Variants in LRFN5 observed in about 807,000 individuals in gnomAD.
LRFN5 encodes leucine rich repeat and fibronectin type III domain containing 5.
Under a neutral mutation model 45.6 loss-of-function variants are expected in LRFN5, and 24 were observed. The observed-to-expected ratio is 0.53, with a 90% confidence interval of 0.38 to 0.74. The LOEUF (loss-of-function observed/expected upper bound fraction) is 0.74, where lower values mean the gene tolerates loss of function less well. Ranked by LOEUF, LRFN5 falls within the 30% of genes least tolerant of loss-of-function variation. The pLI is 0.00. For synonymous variants in LRFN5, 340 were observed against 313.8 expected (o/e 1.08, Z -0.88); for missense variants, 776 against 861.5 (o/e 0.90, Z 1.24).
chr14:41,636,870 C>A (rs1879330592), intron 1 of LRFN5, among the ~76,000 whole-genome samples: 1 of 152,126 alleles, frequency 6.6e-6, no homozygotes, highest in Non-Finnish European at 1.5e-5. Context: ...ACTGCACAGG[C>A]CCCACTTGCA....
intron 2 of LRFN5, among the ~76,000 whole-genome samples, chr14:41,860,461 T>C (rs1224938361): frequency 1.3e-5 from 2 of 152,168 alleles, no homozygotes; most frequent in Non-Finnish European, 2.9e-5. Flanking sequence ...TTAATATACG[T>C]CAGTTCATCA....
chr14:41,894,774 G>A (rs1401498128), intron 4 of LRFN5: 2 of 982,718 alleles, frequency 2.0e-6, no homozygotes, highest in African/African-American at 3.5e-5. Context: ...GTGGAAATAA[G>A]AATTTTCATT....
intron 1 of LRFN5, among the ~76,000 whole-genome samples, chr14:41,659,113 T>C (rs1311911396): frequency 6.6e-6 from 1 of 152,104 alleles, no homozygotes; most frequent in African/African-American, 2.4e-5. Flanking sequence ...GCAGGTTTGT[T>C]ACATAGGTAT....
rs914212982 is a variant in LRFN5, at chr14:41,671,617, G to GTTTTTTTTTTTTTTTTTTTTTTTTTTTTT, written c.-197+63075_-197+63076insTTTTTTTTTTTTTTTTTTTTTTTTTTTTT. On this transcript the variant is annotated intron_variant, in intron 1 of 5. Transcript: ENST00000298119. ...TGTGGAGGAGAGATTTTTTTTTTTC[G>GTTTTTTTTTTTTTTTTTTTTTTTTTTTTT]TTTTTTTTTTTTTTTTTTTTACGGA... 1.4e-4 allele frequency among the ~76,000 whole-genome samples: 11 copies of GTTTTTTTTTTTTTTTTTTTTTTTTTTTTT among 78,024 alleles called. 3 individuals are homozygous for GTTTTTTTTTTTTTTTTTTTTTTTTTTTTT. The highest frequency in any genetic ancestry group is 8.7e-4 in the East Asian group (2 of 2,292). The allele number at this position is 78,024 out of a possible 152,430, so 51.2% of individuals were successfully genotyped here. A position where few individuals can be genotyped will look rare whatever the true frequency, so the allele number is the denominator to read the frequency against.
intron 1 of LRFN5, among the ~76,000 whole-genome samples, chr14:41,736,690 A>C (rs1884447957): frequency 6.6e-6 from 1 of 152,194 alleles, no homozygotes; most frequent in Non-Finnish European, 1.5e-5. Context: ...TCCCACAGAA[A>C]TACAAACTGC....
At chr14:41,889,359 T>A (rs556842983) in intron 3 of LRFN5, among the ~76,000 whole-genome samples, 2 of 152,138 alleles carry the variant, frequency 1.3e-5, no homozygotes, top group East Asian at 3.9e-4. Context: ...GAAATTAGAC[T>A]AAAGGTCTCT....
chr14:41,813,476 A>T (rs1296356085), intron 2 of LRFN5, among the ~76,000 whole-genome samples: 1 of 152,136 alleles, frequency 6.6e-6, no homozygotes, highest in African/African-American at 2.4e-5. Flanking sequence ...TAGTTTGCTG[A>T]GAACAATGGT....
At chr14:41,888,733 G>T (rs1343745334) in intron 3 of LRFN5, among the ~76,000 whole-genome samples, 1 of 151,962 alleles carries the variant, frequency 6.6e-6, no homozygotes, top group Non-Finnish European at 1.5e-5. Context: ...AGTATCACTG[G>T]AATTAGGTAT....
At chr14:41,682,408 T>A (rs962870342) in intron 1 of LRFN5, among the ~76,000 whole-genome samples, 1 of 151,954 alleles carries the variant, frequency 6.6e-6, no homozygotes, top group African/African-American at 2.4e-5. Context: ...TTAATTTTTT[T>A]ATGGAAAAAA....
intron 1 of LRFN5, among the ~76,000 whole-genome samples, chr14:41,730,858 CT>C (rs969896165): frequency 6.6e-6 from 1 of 151,648 alleles, no homozygotes; most frequent in Non-Finnish European, 1.5e-5. Flanking sequence ...TTGAAGTTGC[CT>C]TTCCTTTCTC....
intron 1 of LRFN5, among the ~76,000 whole-genome samples, chr14:41,694,408 A>G (rs1279902855): frequency 6.6e-6 from 1 of 151,800 alleles, no homozygotes; most frequent in Non-Finnish European, 1.5e-5. Context: ...ACTCTTTTTG[A>G]TACTATATAT....
chr14:41,866,473 G>A (rs1312230740), intron 2 of LRFN5, among the ~76,000 whole-genome samples: 1 of 151,996 alleles, frequency 6.6e-6, no homozygotes. Context: ...AAAATCACTG[G>A]CAGAGAAGAA....
At chr14:41,885,522 T>C (rs192943325) in intron 2 of LRFN5, among the ~76,000 whole-genome samples, 1 of 152,116 alleles carries the variant, frequency 6.6e-6, no homozygotes, top group Non-Finnish European at 1.5e-5. Flanking sequence ...GTTAAGATTG[T>C]AAAAGAAGGA....
At chr14:41,666,968 A>G (rs1880929574) in intron 1 of LRFN5, among the ~76,000 whole-genome samples, 3 of 152,192 alleles carry the variant, frequency 2.0e-5, no homozygotes, top group Admixed American at 2.0e-4. Flanking sequence ...ACAACGTTAT[A>G]GAGTTTTGTA....
intron 2 of LRFN5, among the ~76,000 whole-genome samples, chr14:41,875,214 A>G (rs761924790): frequency 6.6e-6 from 1 of 152,258 alleles, no homozygotes; most frequent in Non-Finnish European, 1.5e-5. Flanking sequence ...CCTTTCCCAG[A>G]TATTTCCCAC....
chr14:41,647,732 A>G (rs1879885425), intron 1 of LRFN5, among the ~76,000 whole-genome samples: 1 of 152,186 alleles, frequency 6.6e-6, no homozygotes, highest in South Asian at 2.1e-4. Flanking sequence ...AAAACTTAAC[A>G]TAAGAAGAGA....
chr14:41,786,293 T>A (rs1361613559), intron 2 of LRFN5, among the ~76,000 whole-genome samples: 3 of 152,164 alleles, frequency 2.0e-5, no homozygotes, highest in African/African-American at 7.2e-5. Flanking sequence ...CTTTTAGCAT[T>A]TCCAGTAGTA....
chr14:41,718,291 G>T (rs563386098), intron 1 of LRFN5, among the ~76,000 whole-genome samples: 1 of 152,118 alleles, frequency 6.6e-6, no homozygotes, highest in Non-Finnish European at 1.5e-5. Context: ...GAATGTAATT[G>T]TAGAATATGC....
chr14:41,824,995 G>A (rs140704712), intron 2 of LRFN5, among the ~76,000 whole-genome samples: 2 of 152,292 alleles, frequency 1.3e-5, no homozygotes, highest in East Asian at 3.9e-4. Context: ...TTTCCATGCT[G>A]CACCGTAGTT....
Sources: allele counts gnomAD v4.1 joint callset (sites outside exome capture counted in the v4.1 genomes callset), GRCh38; gene constraint gnomAD v4.1.1; transcripts MANE v1.5; gene names NCBI Gene and HGNC (gene_info 2026-07-23, HGNC 2026-07-21).